VCPKMT: variants seen among roughly 807,000 people sequenced by gnomAD.
The protein encoded by VCPKMT is protein N-lysine methyltransferase METTL21D.
Under a neutral mutation model 28.6 loss-of-function variants are expected in VCPKMT, and 32 were observed. The ratio of observed to expected loss-of-function variants is 1.12; its 90% CI spans 0.84 to 1.50. The LOEUF (loss-of-function observed/expected upper bound fraction) is 1.50, where lower values mean the gene tolerates loss of function less well. VCPKMT is among the 40% of genes most tolerant of loss of function. The pLI is 0.00. For synonymous variants in VCPKMT, 138 were observed against 111.4 expected, an observed-to-expected ratio of 1.24 and a Z score of -1.50; for missense variants, 366 against 285.0, an observed-to-expected ratio of 1.28 and a Z score of -2.05.
At chr14:50,114,162 T>C in intron 4 of VCPKMT, 123 bp downstream of exon 4, 1 of 944,850 alleles carries the variant, frequency 1.1e-6, no homozygotes, top group Non-Finnish European at 1.5e-6. Context: ...GAAGATCCTT[T>C]CCTCAGCTTC....
intron 5 of VCPKMT, chr14:50,111,511 A>G (rs1206621221): frequency 1.0e-6 from 1 of 985,310 alleles, no homozygotes; most frequent in Admixed American, 6.2e-5. Context: ...TGAATCTAGC[A>G]TCCTTAATTC....
Position 50,108,891 on chromosome 14 carries a change from G to C in VCPKMT, c.*808C>G, listed in dbSNP as rs1443330680. 1.0e-6 allele frequency: 1 copy of C among 985,318 alleles called. No homozygotes were observed. The highest frequency in any genetic ancestry group is 4.7e-5 in the South Asian group (1 of 21,286). The allele number at this position is 985,318 out of a possible 1,614,324, so 61.0% of individuals were successfully genotyped here. A position where few individuals can be genotyped will look rare whatever the true frequency, so the allele number is the denominator to read the frequency against. ...TCACTGCTTCATGTAAACAATACCA[G>C]TATTTTTAAGCCAGATTTTCCTGGA... On this transcript the variant is annotated 3_prime_UTR_variant, in exon 6 of 6. Coordinates refer to ENST00000395860, the MANE Select transcript of VCPKMT (RefSeq NM_024558.3).
Position 50,116,327 on chromosome 14 carries a change from A to G in VCPKMT, c.226T>C (p.Ser76Pro). The part of the protein sequence containing the change: ...LSRRSVLELG[S>P]GTGAVGLMAA... ...ATGAGCCCCACGGCCCCGGTGCCCG[A>G]ACCCAGCTCCAGCACCGACCGCCGG... Residue 76 changes from serine (S) to proline (P), a missense_variant, in exon 1 of 6, where the codon TCG becomes CCG. Transcript: ENST00000395860. 1 of 1,610,406 alleles carries G rather than the reference A, an allele frequency of 6.2e-7. No individual in the cohort carries two copies. The highest frequency in any genetic ancestry group is 8.5e-7 in the Non-Finnish European group (1 of 1,178,410).
At chr14:50,113,812 A>C (rs56343999) in intron 4 of VCPKMT, among the ~76,000 whole-genome samples, 1 of 17,532 alleles carries the variant, frequency 5.7e-5, no homozygotes, top group African/African-American at 1.8e-4. Flanking sequence ...GGGGGGGGTG[A>C]CACTGAGGCA....
At chr14:50,113,721 C>T (rs1882867693) in intron 4 of VCPKMT, among the ~76,000 whole-genome samples, 1 of 145,084 alleles carries the variant, frequency 6.9e-6, no homozygotes, top group Non-Finnish European at 1.5e-5. Flanking sequence ...TGGGAAAACC[C>T]CATCTCTACA....
intron 3 of VCPKMT, among the ~76,000 whole-genome samples, chr14:50,115,051 A>G (rs188280725): frequency 4.0e-4 from 61 of 152,292 alleles, no homozygotes; most frequent in African/African-American, 1.4e-3. Context: ...TAAATAATCA[A>G]CGATTTCCCT....
chr14:50,114,432 T>C (rs936562256), intron 3 of VCPKMT, 28 bp from the exon 4 acceptor site: 1 of 1,407,746 alleles, frequency 7.1e-7, no homozygotes, highest in East Asian at 2.7e-5. Context: ...TATTTTTTGT[T>C]TTTGATTTAA....
downstream of VCPKMT, among the ~76,000 whole-genome samples, chr14:50,108,273 ATTATAG>A (rs1882411143): frequency 6.6e-6 from 1 of 151,908 alleles, no homozygotes; most frequent in African/African-American, 2.4e-5. Context: ...TGGGTGGACT[ATTATAG>A]TCAAGGTCAA....
At position 50,112,603 on chromosome 14, in the gene VCPKMT, A is replaced by G; in HGVS notation, c.675+12T>C. ...CCTCCTTGGAGAATGAAGAACTGAG[A>G]ATGTTATTTACCGATTTTTTCTTTC... On this transcript the variant is annotated intron_variant, in intron 5 of 5. Transcript: ENST00000395860. 6.8e-7 allele frequency: 1 copy of G among 1,475,350 alleles called. No homozygotes were observed. The highest frequency in any genetic ancestry group is 1.2e-5 in the South Asian group (1 of 82,838). The allele number at this position is 1,475,350 out of a possible 1,614,324, so 91.4% of individuals were successfully genotyped here.
chr14:50,115,771 T>C (rs945998949), intron 3 of VCPKMT, 68 bp downstream of exon 3: 1 of 1,510,856 alleles, frequency 6.6e-7, no homozygotes, highest in Admixed American at 1.9e-5. Context: ...TGAAGAAACG[T>C]GTGCTTTAGA....
intron 4 of VCPKMT, 37 bp from the exon 5 acceptor site, chr14:50,112,756 A>C (rs951020321): frequency 2.9e-6 from 4 of 1,393,570 alleles, no homozygotes; most frequent in East Asian, 2.5e-5. Context: ...AAATTCAATA[A>C]TATGAACTGA....
At chr14:50,103,133 A>C in the VCPKMT span, among the ~76,000 whole-genome samples, 14 of 152,360 alleles carry the variant, frequency 9.2e-5, no homozygotes, top group Middle Eastern at 3.4e-3. Context: ...AGTGTGGCCC[A>C]GGGAAGATTG....
At chr14:50,106,498 A>T, downstream of VCPKMT, 1 of 961,178 alleles carries the variant, frequency 1.0e-6, no homozygotes, top group East Asian at 1.2e-4. Context: ...GTTGTTGCAG[A>T]AGTCTTCTAA....
At chr14:50,107,241 C>T (rs1012004034), downstream of VCPKMT, among the ~76,000 whole-genome samples, 2 of 152,118 alleles carry the variant, frequency 1.3e-5, no homozygotes, top group Non-Finnish European at 2.9e-5. Context: ...CATCAGTGGT[C>T]GAATCTTAGA....
In VCPKMT at chr14:50,109,524, GA is replaced by G; in HGVS notation, c.*174del. On this transcript the variant is annotated 3_prime_UTR_variant, in exon 6 of 6. Transcript: ENST00000395860. ...CATTGGCAGGCAGGCAGGCAAGCAG[GA>G]ATTTTTCGTATTGCAGACAGCCCCT... is the stretch of plus-strand genomic sequence containing the variant. 7.6e-7 allele frequency: 1 copy of G among 1,314,288 alleles called. No homozygotes were observed. Among genetic ancestry groups the G allele is most frequent in the African/African-American group, 1.5e-5 (1 of 65,204 alleles). 81.4% of individuals were successfully genotyped at this position (1,314,288 alleles called of 1,614,324 possible). A position where few individuals can be genotyped will look rare whatever the true frequency, so the allele number is the denominator to read the frequency against.
downstream of VCPKMT, among the ~76,000 whole-genome samples, chr14:50,103,868 T>A (rs60692740): frequency 0.19 from 29,332 of 152,064 alleles, 3,005 homozygotes; most frequent in East Asian, 0.44. Flanking sequence ...CTGACTTGCA[T>A]TATGCATATT....
intron 5 of VCPKMT, among the ~76,000 whole-genome samples, chr14:50,110,270 A>C (rs1437001038): frequency 2.0e-5 from 3 of 152,096 alleles, no homozygotes; most frequent in East Asian, 3.8e-4. Context: ...GAAAATAATA[A>C]ATTAAGAAAA....
the VCPKMT span, among the ~76,000 whole-genome samples, chr14:50,103,498 C>T: frequency 6.6e-6 from 1 of 152,042 alleles, no homozygotes; most frequent in African/African-American, 2.4e-5. Flanking sequence ...AGCAAAGAAC[C>T]GTGGAAGGAG....
At position 50,116,495 on chromosome 14, in the gene VCPKMT, A is replaced by G. The variant is rs374408637; in HGVS notation, c.58T>C (p.Leu20=). ...EDPLRSFVRV[L]EKRDGTVLRL... ...AGCACTGTACCATCCCGCTTCTCCA[A>G]AACTCGCACAAAGCTCCGCAGTGGG... The change falls in exon 1 of 6, where the codon TTG becomes CTG. Residue 20 remains leucine, a synonymous_variant. Coordinates refer to ENST00000395860, the MANE Select transcript of VCPKMT (RefSeq NM_024558.3). The G allele has an allele frequency of 6.6e-5, 107 of 1,613,748 alleles. No homozygotes were observed. The highest frequency in any genetic ancestry group is 8.6e-5 in the Non-Finnish European group (102 of 1,179,920).
Sources: allele counts gnomAD v4.1 joint callset (sites outside exome capture counted in the v4.1 genomes callset), GRCh38; gene constraint gnomAD v4.1.1; transcripts MANE v1.5; gene names NCBI Gene and HGNC (gene_info 2026-07-23, HGNC 2026-07-21).